Variants in AGBL4 observed in about 807,000 individuals in gnomAD.
The protein encoded by AGBL4 is AGBL carboxypeptidase 4.
In AGBL4, 58 loss-of-function variants were observed where a neutral mutation model predicts 66.4. That is an observed-to-expected ratio of 0.87 (90% CI 0.71 to 1.09). AGBL4 has a LOEUF of 1.09. AGBL4 is among the 50% of genes least tolerant of loss of function. AGBL4 has a pLI of 0.00. For synonymous variants in AGBL4, 234 were observed against 222.9 expected (o/e 1.05, Z -0.44); for missense variants, 579 against 631.0 (o/e 0.92, Z 0.88).
At chr1:49,120,140 G>A (rs563759631) in intron 4 of AGBL4, among the ~76,000 whole-genome samples, 1 of 152,232 alleles carries the variant, frequency 6.6e-6, no homozygotes, top group African/African-American at 2.4e-5. Context: ...CAATTTGCCA[G>A]TCTGTGTCTT....
chr1:48,610,616 T>C (rs1205128938), intron 9 of AGBL4, among the ~76,000 whole-genome samples: 1 of 152,230 alleles, frequency 6.6e-6, no homozygotes, highest in Non-Finnish European at 1.5e-5. Flanking sequence ...CCAGAATTGC[T>C]ATGTTCCATC....
chr1:48,996,770 T>C (rs1661026199), intron 5 of AGBL4, among the ~76,000 whole-genome samples: 1 of 150,626 alleles, frequency 6.6e-6, no homozygotes, highest in South Asian at 2.1e-4. Flanking sequence ...AGAGAAATGA[T>C]TTATAGCCAG....
At chr1:48,921,448 A>G (rs1000308830) in intron 5 of AGBL4, among the ~76,000 whole-genome samples, 5 of 152,184 alleles carry the variant, frequency 3.3e-5, no homozygotes. Flanking sequence ...AGGTAATAGA[A>G]AAGTGTTTTA....
intron 2 of AGBL4, among the ~76,000 whole-genome samples, chr1:49,752,387 G>A (rs6665050): frequency 0.018 from 2,813 of 152,268 alleles, 79 homozygotes; most frequent in African/African-American, 0.063. Flanking sequence ...GTGCGGTTTT[G>A]AGTGAGTTTC....
chr1:49,069,082 GT>G (rs1399158071), intron 4 of AGBL4, among the ~76,000 whole-genome samples: 2 of 151,988 alleles, frequency 1.3e-5, no homozygotes, highest in African/African-American at 2.4e-5. Context: ...GGGGTTGTTT[GT>G]TTTTTTCTTG....
chr1:49,672,937 AAAAAGAAAAG>A lies in AGBL4; in HGVS notation c.282+24366_282+24375del, dbSNP rs1558151590. On this transcript the variant is annotated intron_variant, in intron 3 of 13. Transcript: ENST00000371839. ...ACTCCATCTCAAAAAAAAAAAAAAA[AAAAAGAAAAG>A]AAAAGATAGAGAAATTTGATAACCT... Among the ~76,000 whole-genome samples the A allele has an allele frequency of 4.0e-5, 6 of 150,386 alleles. No homozygotes were observed. The South Asian group carries it at 8.3e-4, about 21-fold the overall frequency.
At chr1:48,941,107 CA>C (rs1655932668) in intron 5 of AGBL4, among the ~76,000 whole-genome samples, 1 of 152,138 alleles carries the variant, frequency 6.6e-6, no homozygotes, top group Non-Finnish European at 1.5e-5. Flanking sequence ...AAGAGTCCAG[CA>C]GAATGAAGCA....
intron 3 of AGBL4, among the ~76,000 whole-genome samples, chr1:49,447,891 T>G (rs999213397): frequency 1.3e-5 from 2 of 152,146 alleles, no homozygotes. Flanking sequence ...CTGCTCATAA[T>G]TTTGGTTCTT....
chr1:48,958,463 AAT>A (rs1330424720), intron 5 of AGBL4, among the ~76,000 whole-genome samples: 2 of 152,250 alleles, frequency 1.3e-5, no homozygotes, highest in African/African-American at 2.4e-5. Context: ...CAGCCAATGC[AAT>A]ATGAGTAGAA....
At chr1:49,460,324 C>T (rs1646483811) in intron 3 of AGBL4, among the ~76,000 whole-genome samples, 1 of 151,552 alleles carries the variant, frequency 6.6e-6, no homozygotes, top group Non-Finnish European at 1.5e-5. Flanking sequence ...TGGGTTAGTC[C>T]TTTTATCGTT....
chr1:48,546,860 AACAAACACAC>A (rs1557776415), intron 11 of AGBL4, among the ~76,000 whole-genome samples: 2 of 42,872 alleles, frequency 4.7e-5, no homozygotes, highest in African/African-American at 2.7e-4. Flanking sequence ...TAGTAAAACA[AACAAACACAC>A]ACACACACAC....
chr1:48,887,012 T>C (rs1027410771), intron 5 of AGBL4, among the ~76,000 whole-genome samples: 22 of 152,218 alleles, frequency 1.4e-4, no homozygotes, highest in African/African-American at 5.3e-4. Context: ...CAGTGAAGTC[T>C]AACTGGGGGC....
At chr1:48,646,513 A>ATGTGTGTGTG (rs61233999) in intron 8 of AGBL4, among the ~76,000 whole-genome samples, 8,371 of 131,386 alleles carry the variant, frequency 0.064, 461 homozygotes, top group African/African-American at 0.11. Context: ...ACCAGTTATA[A>ATGTGTGTGTG]TGTGTGTGTG....
At position 49,456,475 on chromosome 1, in the gene AGBL4, G is replaced by T. The variant is rs144684180; in HGVS notation, c.283-210611C>A. On this transcript the variant is annotated intron_variant, in intron 3 of 13. Transcript: ENST00000371839. ...TTGATTTATTACAACTACCCCAAGTGTCCTGGCTTGAAATTTTAAGGCATT... is the reference window on the plus strand; with the variant it reads ...TTGATTTATTACAACTACCCCAAGTTTCCTGGCTTGAAATTTTAAGGCATT... Among the ~76,000 whole-genome samples the T allele has an allele frequency of 9.2e-5, 14 of 151,806 alleles. 1 individual carries two copies. Among genetic ancestry groups the T allele is most frequent in the African/African-American group, 3.4e-4 (14 of 41,508 alleles).
At chr1:49,527,200 G>C (rs1460222820) in intron 3 of AGBL4, 2 of 151,982 alleles carry the variant, frequency 1.3e-5, no homozygotes, top group Non-Finnish European at 2.9e-5. Context: ...GTATCCAAGT[G>C]CTCAATGAGA....
chr1:48,840,604 AT>A (rs1646776755), intron 6 of AGBL4, among the ~76,000 whole-genome samples: 1 of 152,226 alleles, frequency 6.6e-6, no homozygotes, highest in Non-Finnish European at 1.5e-5. Flanking sequence ...ACTGGTGAGA[AT>A]AAAATAAAAA....
intron 3 of AGBL4, among the ~76,000 whole-genome samples, chr1:49,551,871 C>T (rs1188316055): frequency 6.6e-6 from 1 of 152,124 alleles, no homozygotes; most frequent in East Asian, 1.9e-4. Context: ...GATTATATGC[C>T]CTTTGTCTTT....
intron 4 of AGBL4, among the ~76,000 whole-genome samples, chr1:49,057,326 G>T (rs888653364): frequency 6.6e-6 from 1 of 152,160 alleles, no homozygotes; most frequent in African/African-American, 2.4e-5. Flanking sequence ...GCTGAGGTGG[G>T]ATAACCACCT....
At chr1:49,500,325 T>C (rs1444084597) in intron 3 of AGBL4, among the ~76,000 whole-genome samples, 1 of 152,018 alleles carries the variant, frequency 6.6e-6, no homozygotes, top group African/African-American at 2.4e-5. Flanking sequence ...ACTCTGTGGG[T>C]TGTCTTTACT....
Sources: allele counts gnomAD v4.1 joint callset (sites outside exome capture counted in the v4.1 genomes callset), GRCh38; gene constraint gnomAD v4.1.1; transcripts MANE v1.5; gene names NCBI Gene and HGNC (gene_info 2026-07-23, HGNC 2026-07-21).